TMEM67: variants seen among roughly 807,000 people sequenced by gnomAD.
TMEM67 encodes transmembrane protein 67.
TMEM67 carries 124 observed loss-of-function variants against 136.6 expected under a neutral mutation model. The observed-to-expected ratio is 0.91, with a 90% CI of 0.78 to 1.05. The LOEUF is 1.05. Among genes scored for constraint, TMEM67 ranks in the 50% least tolerant of loss-of-function variants. TMEM67 has a pLI of 0.00. For missense variants in TMEM67, 1,107 were observed against 1,178.4 expected (o/e 0.94, Z 0.89); for synonymous variants, 364 against 390.5 (o/e 0.93, Z 0.80).
chr8:93,791,024 T>G (rs1814351174), intron 14 of TMEM67, among the ~76,000 whole-genome samples: 1 of 152,218 alleles, frequency 6.6e-6, no homozygotes. Flanking sequence ...GTGCATGAAT[T>G]TAACTTATCT....
At chr8:93,781,855 G>T in intron 10 of TMEM67, 111 bp downstream of exon 10, 1 of 544,066 alleles carries the variant, frequency 1.8e-6, no homozygotes, top group Non-Finnish European at 3.2e-6. Flanking sequence ...TACTACAGTT[G>T]ATTTTTTTTC....
intron 16 of TMEM67, 109 bp from the exon 17 acceptor site, chr8:93,795,300 G>C (rs1009875041): frequency 5.5e-6 from 5 of 915,738 alleles, no homozygotes; most frequent in South Asian, 1.3e-5. Context: ...GTGAAACAAG[G>C]CTTCAGGCTT....
At chr8:93,827,002 T>G in the TMEM67 span, among the ~76,000 whole-genome samples, 1 of 152,050 alleles carries the variant, frequency 6.6e-6, no homozygotes, top group Non-Finnish European at 1.5e-5. Flanking sequence ...GCTAATTTTT[T>G]GTATTTTTAG....
rs542640908 is a variant in TMEM67, at chr8:93,798,576, T to C, written c.2101-1042T>C. Reference sequence around the variant, plus strand: ...TAAGACTGAACATGGAAACAGTTTATATGGGAATAGGTTTTCTCAGGAATT... The same window carrying C: ...TAAGACTGAACATGGAAACAGTTTACATGGGAATAGGTTTTCTCAGGAATT... On this transcript the variant is annotated intron_variant, in intron 20 of 27. Coordinates refer to ENST00000453321, the MANE Select transcript of TMEM67 (RefSeq NM_153704.6). Among the ~76,000 whole-genome samples, 26 of 152,346 alleles carry C rather than the reference T, an allele frequency of 1.7e-4. No individual in the cohort carries two copies. In the South Asian group the frequency reaches 5.4e-3, roughly 32 times the overall value.
chr8:93,792,885 G>A (rs1005662786), intron 15 of TMEM67, among the ~76,000 whole-genome samples: 1 of 150,830 alleles, frequency 6.6e-6, no homozygotes, highest in Admixed American at 6.6e-5. Context: ...CCATTCTCCT[G>A]CCTCAGCCTC....
At chr8:93,789,273 T>C (rs992464007) in intron 14 of TMEM67, among the ~76,000 whole-genome samples, 1 of 152,178 alleles carries the variant, frequency 6.6e-6, no homozygotes, top group African/African-American at 2.4e-5. Flanking sequence ...TTAAAGACTT[T>C]CCATCCTCAT....
chr8:93,796,075 T>C (rs2130730295), intron 18 of TMEM67, 88 bp downstream of exon 18: 1 of 902,596 alleles, frequency 1.1e-6, no homozygotes, highest in South Asian at 1.4e-5. Flanking sequence ...CAAAAATCTT[T>C]GGCGTGAAAT....
chr8:93,776,209 C>T lies in TMEM67; in HGVS notation c.714+3558C>T, dbSNP rs571687354. On this transcript the variant is annotated intron_variant, in intron 7 of 27. Transcript: ENST00000453321. ...GATTTTTGCACATTGATTTTGTATC[C>T]TAAGACTGCTGAAGTTGCTTATCAG... Among the ~76,000 whole-genome samples the T allele has an allele frequency of 2.0e-5, 3 of 152,182 alleles. No individual in the cohort carries two copies. The South Asian group carries it at 6.2e-4, about 32-fold the overall frequency.
intron 6 of TMEM67, among the ~76,000 whole-genome samples, chr8:93,771,056 T>C (rs1415482131): frequency 6.6e-6 from 1 of 152,114 alleles, no homozygotes; most frequent in Non-Finnish European, 1.5e-5. Flanking sequence ...TAGTTGTGTC[T>C]GCCACTTCTC....
intron 6 of TMEM67, among the ~76,000 whole-genome samples, 193 bp downstream of exon 6, chr8:93,765,839 CTGTT>C (rs755508488): frequency 1.3e-5 from 2 of 152,060 alleles, no homozygotes; most frequent in Non-Finnish European, 2.9e-5. Flanking sequence ...GTACCGTAGC[CTGTT>C]TGTTTTTCAG....
chr8:93,767,647 C>A (rs1232159392), intron 6 of TMEM67, among the ~76,000 whole-genome samples: 1 of 151,378 alleles, frequency 6.6e-6, no homozygotes, highest in Admixed American at 6.6e-5. Context: ...TATAATCCAG[C>A]ATACTCATTA....
chr8:93,825,740 C>T, the TMEM67 span, among the ~76,000 whole-genome samples: 2,227 of 152,300 alleles, frequency 0.015, 61 homozygotes, highest in African/African-American at 0.049. Context: ...TTTAGAGCTG[C>T]TCAAATATGA....
intron 15 of TMEM67, among the ~76,000 whole-genome samples, chr8:93,792,645 T>A (rs534995265): frequency 2.2e-4 from 34 of 152,200 alleles, no homozygotes; most frequent in Admixed American, 2.2e-3. Flanking sequence ...AATTATTTAT[T>A]TTTAAATCAG....
chr8:93,766,775 C>T (rs1163214979), intron 6 of TMEM67, among the ~76,000 whole-genome samples: 1 of 151,968 alleles, frequency 6.6e-6, no homozygotes, highest in African/African-American at 2.4e-5. Flanking sequence ...AAAAATTCCT[C>T]TACTCAGTAT....
At chr8:93,776,467 A>C (rs995751547) in intron 7 of TMEM67, among the ~76,000 whole-genome samples, 1 of 152,232 alleles carries the variant, frequency 6.6e-6, no homozygotes, top group Non-Finnish European at 1.5e-5. Context: ...TTGCCCATTC[A>C]GTATGATATT....
At chr8:93,802,346 TGCATG>T (rs1418984198) in intron 21 of TMEM67, among the ~76,000 whole-genome samples, 3 of 152,176 alleles carry the variant, frequency 2.0e-5, no homozygotes, top group African/African-American at 7.2e-5. Flanking sequence ...AGAACTTAAT[TGCATG>T]GCCACACCTA....
intron 7 of TMEM67, among the ~76,000 whole-genome samples, chr8:93,775,018 G>T (rs1414157779): frequency 6.6e-6 from 1 of 152,178 alleles, no homozygotes; most frequent in East Asian, 1.9e-4. Flanking sequence ...TCCAGCATCT[G>T]TTGTTTCCTA....
intron 20 of TMEM67, among the ~76,000 whole-genome samples, chr8:93,798,395 A>G (rs912845243): frequency 1.3e-5 from 2 of 152,150 alleles, no homozygotes; most frequent in African/African-American, 4.8e-5. Context: ...TAAGTTTGAT[A>G]TTTTTCAACA....
At chr8:93,779,529 A>AGATGGGGTTTTGATGTG (rs912160272) in intron 7 of TMEM67, among the ~76,000 whole-genome samples, 5 of 152,140 alleles carry the variant, frequency 3.3e-5, no homozygotes, top group Non-Finnish European at 7.4e-5. Context: ...GGTGACCTAC[A>AGATGGGGTTTTGATGTG]GATGGGGTTT....
Sources: allele counts gnomAD v4.1 joint callset (sites outside exome capture counted in the v4.1 genomes callset), GRCh38; gene constraint gnomAD v4.1.1; transcripts MANE v1.5; gene names NCBI Gene and HGNC (gene_info 2026-07-23, HGNC 2026-07-21).